The following PGM5 variants were observed in gnomAD, a reference collection of about 807,000 sequenced individuals.
PGM5 encodes the protein phosphoglucomutase-like protein 5.
In PGM5, 23 loss-of-function variants were observed where a neutral mutation model predicts 59.2. The observed-to-expected ratio is 0.39, with a 90% CI of 0.28 to 0.55. The LOEUF is 0.55. Among genes scored for constraint, PGM5 ranks in the 20% least tolerant of loss-of-function variants. The pLI is 0.66. For synonymous variants in PGM5, 214 were observed against 286.0 expected (o/e 0.75, Z 2.54); for missense variants, 574 against 748.3 (o/e 0.77, Z 2.72).
At chr9:68,512,191 A>T (rs1824760299) in intron 10 of PGM5, among the ~76,000 whole-genome samples, 1 of 152,152 alleles carries the variant, frequency 6.6e-6, no homozygotes, top group Admixed American at 6.5e-5. Context: ...TGAACACTGG[A>T]GTGGGTGTGT....
At chr9:68,487,355 GA>G in intron 9 of PGM5, among the ~76,000 whole-genome samples, 1 of 152,030 alleles carries the variant, frequency 6.6e-6, no homozygotes, top group Admixed American at 6.6e-5. Context: ...TGATGCTCAA[GA>G]AATATCAGTT....
intron 6 of PGM5, among the ~76,000 whole-genome samples, chr9:68,430,989 A>T (rs1291979757): frequency 1.3e-5 from 2 of 152,208 alleles, no homozygotes; most frequent in Non-Finnish European, 2.9e-5. Flanking sequence ...CAGGTGTCAT[A>T]CCCACCTTTT....
At chr9:68,431,864 C>T (rs1022794806) in intron 6 of PGM5, among the ~76,000 whole-genome samples, 1 of 145,824 alleles carries the variant, frequency 6.9e-6, no homozygotes, top group South Asian at 2.3e-4. Context: ...ATGGAAAGAA[C>T]ATCATTTCTC....
intron 10 of PGM5, among the ~76,000 whole-genome samples, chr9:68,517,716 AT>A (rs1824843472): frequency 6.6e-6 from 1 of 152,246 alleles, no homozygotes; most frequent in Non-Finnish European, 1.5e-5. Context: ...CAGGAAAATG[AT>A]TACAAAACAA....
At chr9:68,485,713 G>A (rs1270994472) in intron 9 of PGM5, among the ~76,000 whole-genome samples, 1 of 152,114 alleles carries the variant, frequency 6.6e-6, no homozygotes, top group Non-Finnish European at 1.5e-5. Flanking sequence ...GCTATAAATG[G>A]ATACATGCTG....
At chr9:68,468,720 C>T (rs1823975773) in intron 7 of PGM5, among the ~76,000 whole-genome samples, 1 of 152,174 alleles carries the variant, frequency 6.6e-6, no homozygotes, top group Non-Finnish European at 1.5e-5. Flanking sequence ...CTGTAATTGG[C>T]TGATATGTCT....
At chr9:68,395,310 T>C (rs373702384) in intron 6 of PGM5, among the ~76,000 whole-genome samples, 1 of 152,068 alleles carries the variant, frequency 6.6e-6, no homozygotes, top group South Asian at 2.1e-4. Context: ...CTTTCAGCAT[T>C]CTCTATTCTA....
Position 68,479,474 on chromosome 9 carries a change from A to C in PGM5, c.1216A>C (p.Ile406Leu), listed in dbSNP as rs1554686929. Residue 406 changes from isoleucine to leucine, a missense_variant, in exon 8 of 11, where the codon ATT becomes CTT. This residue lies in a region of PGM5 where 300 missense variants were observed against 280.0 expected (regional missense o/e 1.07). Coordinates refer to ENST00000396396, the MANE Select transcript of PGM5 (RefSeq NM_021965.4). ...GLWAVLVWLS[I>L]IAARKQSVEE... ...GTGGGCTGTCTTGGTCTGGCTCTCC[A>C]TTATTGCTGCCCGGAAGCAGAGTGT... The C allele has an allele frequency of 6.2e-7, 1 of 1,613,726 alleles. No individual in the cohort carries two copies. Among genetic ancestry groups the C allele is most frequent in the African/African-American group, 1.3e-5 (1 of 74,890 alleles).
At chr9:68,370,711 C>T (rs1298843102) in intron 1 of PGM5, among the ~76,000 whole-genome samples, 1 of 152,214 alleles carries the variant, frequency 6.6e-6, no homozygotes, top group Non-Finnish European at 1.5e-5. Context: ...TCCCTTGGCA[C>T]CTGGTATGCT....
intron 10 of PGM5, among the ~76,000 whole-genome samples, chr9:68,515,481 C>T (rs1377964326): frequency 6.6e-6 from 1 of 152,236 alleles, no homozygotes; most frequent in Non-Finnish European, 1.5e-5. Context: ...GAATCTGATA[C>T]ACCCTTAAGG....
intron 10 of PGM5, among the ~76,000 whole-genome samples, chr9:68,504,717 A>ATGTT: frequency 6.6e-6 from 1 of 152,088 alleles, no homozygotes; most frequent in Non-Finnish European, 1.5e-5. Flanking sequence ...ATATATATAT[A>ATGTT]TATTTATTTT....
In PGM5 at chr9:68,530,708, G is replaced by A. The variant is rs1053542286; in HGVS notation, c.*1052G>A. 1.3e-5 allele frequency: 2 copies of A among 152,270 alleles called. No homozygotes were observed. The highest frequency in any genetic ancestry group is 2.9e-5 in the Non-Finnish European group (2 of 68,086). The allele number at this position is 152,270 out of a possible 1,614,324, so 9.4% of individuals were successfully genotyped here. On this transcript the variant is annotated 3_prime_UTR_variant, in exon 11 of 11. Transcript: ENST00000396396. Reference sequence around the variant, plus strand: ...CTATGGGCCAGATGGTGGAGGGGAGGGTGGGGACCCCTGCCGGCAAGCAGA... The same window carrying A: ...CTATGGGCCAGATGGTGGAGGGGAGAGTGGGGACCCCTGCCGGCAAGCAGA...
intron 1 of PGM5, among the ~76,000 whole-genome samples, chr9:68,363,889 T>C (rs1357288295): frequency 6.6e-6 from 1 of 151,940 alleles, no homozygotes; most frequent in African/African-American, 2.4e-5. Flanking sequence ...TGAAAGCACT[T>C]TGTAACATCG....
chr9:68,399,504 T>C (rs1239691695), intron 6 of PGM5, among the ~76,000 whole-genome samples: 1 of 152,022 alleles, frequency 6.6e-6, no homozygotes, highest in Non-Finnish European at 1.5e-5. Context: ...GTAGACTAGA[T>C]AGAGAGTAAC....
chr9:68,452,410 G>T (rs1182851389), intron 6 of PGM5, among the ~76,000 whole-genome samples: 1 of 152,206 alleles, frequency 6.6e-6, no homozygotes, highest in Non-Finnish European at 1.5e-5. Flanking sequence ...GGGAGGGTCA[G>T]TTAAGTGGCC....
At chr9:68,423,809 G>C (rs782081824) in intron 6 of PGM5, among the ~76,000 whole-genome samples, 3 of 152,032 alleles carry the variant, frequency 2.0e-5, no homozygotes, top group Non-Finnish European at 2.9e-5. Flanking sequence ...GTGTGGTCAC[G>C]CATACACGTA....
chr9:68,418,793 C>T (rs1823079975), intron 6 of PGM5, among the ~76,000 whole-genome samples: 2 of 152,086 alleles, frequency 1.3e-5, no homozygotes, highest in Non-Finnish European at 2.9e-5. Context: ...TCCTGGGAAC[C>T]CCTGCCGGGT....
chr9:68,390,480 G>A (rs1465434659), intron 4 of PGM5, among the ~76,000 whole-genome samples: 1 of 152,124 alleles, frequency 6.6e-6, no homozygotes, highest in Middle Eastern at 3.2e-3. Flanking sequence ...AACTGAGATG[G>A]GGAAGAGAGT....
At chr9:68,417,771 G>A (rs187840721) in intron 6 of PGM5, among the ~76,000 whole-genome samples, 2 of 152,146 alleles carry the variant, frequency 1.3e-5, no homozygotes, top group East Asian at 1.9e-4. Context: ...TGTTCTATGC[G>A]GCCACCCAGA....
Sources: allele counts gnomAD v4.1 joint callset (sites outside exome capture counted in the v4.1 genomes callset), GRCh38; gene constraint gnomAD v4.1.1; regional missense constraint gnomAD v4.1.1; transcripts MANE v1.5; gene names NCBI Gene and HGNC (gene_info 2026-07-23, HGNC 2026-07-21).